Variants in LRRC4C observed in about 807,000 individuals in gnomAD.
The protein encoded by LRRC4C is leucine-rich repeat-containing protein 4C.
Under a neutral mutation model 33.6 loss-of-function variants are expected in LRRC4C, and 5 were observed. The observed-to-expected ratio is 0.15, with a 90% CI of 0.08 to 0.31. The LOEUF is 0.31. Ranked by LOEUF, LRRC4C falls within the 10% of genes least tolerant of loss-of-function variation. The pLI is 1.00. For missense variants in LRRC4C, 560 were observed against 796.7 expected, an observed-to-expected ratio of 0.70 and a Z score of 3.58; for synonymous variants, 329 against 302.0, an observed-to-expected ratio of 1.09 and a Z score of -0.93.
intron 5 of LRRC4C, among the ~76,000 whole-genome samples, chr11:40,154,887 A>T (rs10837353): frequency 0.28 from 42,944 of 152,038 alleles, 6,817 homozygotes; most frequent in Non-Finnish European, 0.36. Flanking sequence ...TTCATCCAAC[A>T]ACCACAGGAT....
chr11:41,352,420 G>A (rs1345049090), intron 1 of LRRC4C, among the ~76,000 whole-genome samples: 3 of 151,966 alleles, frequency 2.0e-5, no homozygotes, highest in Non-Finnish European at 4.4e-5. Flanking sequence ...AATAACAGTG[G>A]GAGACTTCAA....
At chr11:40,148,136 T>C (rs1048380120) in intron 5 of LRRC4C, among the ~76,000 whole-genome samples, 9 of 152,204 alleles carry the variant, frequency 5.9e-5, no homozygotes, top group African/African-American at 1.2e-4. Flanking sequence ...GGCATTTAGG[T>C]TGATTCCATG....
chr11:40,392,926 G>C (rs1197224535), intron 3 of LRRC4C, among the ~76,000 whole-genome samples: 2 of 152,074 alleles, frequency 1.3e-5, no homozygotes, highest in Non-Finnish European at 2.9e-5. Flanking sequence ...CCAGGGCTCA[G>C]TTCTTGTCTT....
chr11:40,900,447 C>A (rs766272302), intron 2 of LRRC4C, among the ~76,000 whole-genome samples: 1 of 152,036 alleles, frequency 6.6e-6, no homozygotes, highest in African/African-American at 2.4e-5. Flanking sequence ...AATAATTGTG[C>A]TAATTGCCAC....
At chr11:40,517,059 C>T (rs1013809888) in intron 3 of LRRC4C, among the ~76,000 whole-genome samples, 10 of 152,072 alleles carry the variant, frequency 6.6e-5, no homozygotes, top group Admixed American at 2.6e-4. Context: ...CTGGTTCTGG[C>T]TTGACTTTCT....
intron 1 of LRRC4C, among the ~76,000 whole-genome samples, chr11:41,015,851 T>A (rs887457082): frequency 3.3e-5 from 5 of 151,454 alleles, no homozygotes; most frequent in Admixed American, 6.6e-5. Flanking sequence ...AAAAAAAAAA[T>A]TTATCCGGGC....
intron 1 of LRRC4C, among the ~76,000 whole-genome samples, chr11:40,976,639 T>C (rs537765358): frequency 1.3e-5 from 2 of 152,326 alleles, no homozygotes; most frequent in Non-Finnish European, 2.9e-5. Context: ...AATGTGATTT[T>C]TGTGGAATGG....
chr11:41,331,409 T>G (rs911577243), intron 1 of LRRC4C, among the ~76,000 whole-genome samples: 13 of 152,184 alleles, frequency 8.5e-5, no homozygotes, highest in Non-Finnish European at 1.8e-4. Context: ...CAAAGAAACC[T>G]AACCAATACA....
At chr11:40,226,431 A>T (rs1050071091) in intron 5 of LRRC4C, among the ~76,000 whole-genome samples, 1 of 152,230 alleles carries the variant, frequency 6.6e-6, no homozygotes, top group African/African-American at 2.4e-5. Context: ...GCCTTGGCAA[A>T]TGGCATGGAT....
At chr11:41,051,884 AGCCAAATTG>A (rs1164855496) in intron 1 of LRRC4C, among the ~76,000 whole-genome samples, 3 of 152,216 alleles carry the variant, frequency 2.0e-5, no homozygotes, top group African/African-American at 7.2e-5. Context: ...AAACAAAGAA[AGCCAAATTG>A]GCCTTTGAAA....
intron 2 of LRRC4C, among the ~76,000 whole-genome samples, chr11:40,807,532 C>T (rs1199766184): frequency 6.6e-6 from 1 of 152,192 alleles, no homozygotes; most frequent in Non-Finnish European, 1.5e-5. Flanking sequence ...TTGTCAAACT[C>T]TTTCTGACAG....
chr11:40,858,244 C>T (rs577900450), intron 2 of LRRC4C, among the ~76,000 whole-genome samples: 20 of 152,222 alleles, frequency 1.3e-4, no homozygotes, highest in Middle Eastern at 3.4e-3. Context: ...TTTCACTGGA[C>T]GTAACTGGGC....
intron 3 of LRRC4C, among the ~76,000 whole-genome samples, chr11:40,467,724 C>T (rs1326353947): frequency 6.6e-6 from 1 of 152,156 alleles, no homozygotes; most frequent in Non-Finnish European, 1.5e-5. Context: ...AAAATTCTAA[C>T]AGAACCCTAA....
chr11:40,311,943 C>CAAAA (rs368014390), intron 4 of LRRC4C, among the ~76,000 whole-genome samples: 1 of 61,990 alleles, frequency 1.6e-5, no homozygotes, highest in Non-Finnish European at 3.2e-5. Flanking sequence ...GACTCTGTCT[C>CAAAA]AAAAAAAAAA....
At chr11:40,139,747 G>T (rs1484171343) in intron 6 of LRRC4C, among the ~76,000 whole-genome samples, 1 of 152,154 alleles carries the variant, frequency 6.6e-6, no homozygotes, top group Non-Finnish European at 1.5e-5. Flanking sequence ...GCAATGAATA[G>T]GTCTCTGGTG....
At chr11:40,634,082 C>T (rs1434343203) in intron 3 of LRRC4C, among the ~76,000 whole-genome samples, 1 of 152,108 alleles carries the variant, frequency 6.6e-6, no homozygotes, top group African/African-American at 2.4e-5. Context: ...AATTAGCTTC[C>T]AGGGTTGTTT....
At chr11:40,817,246 C>A (rs72898786) in intron 2 of LRRC4C, among the ~76,000 whole-genome samples, 1 of 152,228 alleles carries the variant, frequency 6.6e-6, no homozygotes, top group Non-Finnish European at 1.5e-5. Context: ...TGAAATATCC[C>A]TCTCCTCAAT....
chr11:40,513,033 A>C (rs1955396994), intron 3 of LRRC4C, among the ~76,000 whole-genome samples: 1 of 151,856 alleles, frequency 6.6e-6, no homozygotes, highest in Admixed American at 6.6e-5. Context: ...GCAGATCACG[A>C]GGTCAGGAGA....
chr11:40,681,100 G>C (rs1452570498), intron 2 of LRRC4C, among the ~76,000 whole-genome samples: 1 of 152,134 alleles, frequency 6.6e-6, no homozygotes, highest in Non-Finnish European at 1.5e-5. Context: ...GGAGCAGTGG[G>C]TGGAAATCTC....
Sources: gnomAD v4.1 joint callset for allele counts (sites outside exome capture counted in the v4.1 genomes callset) on GRCh38, gnomAD v4.1.1 for gene constraint, MANE v1.5 for transcripts, NCBI Gene and HGNC (gene_info 2026-07-23, HGNC 2026-07-21) for gene names.